ARSB: variants seen among roughly 807,000 people sequenced by gnomAD.
The protein encoded by ARSB is N-acetylgalactosamine-4-sulfatase.
In ARSB, 41 loss-of-function variants were observed where a neutral mutation model predicts 50.9. The ratio of observed to expected loss-of-function variants is 0.81; its 90% CI spans 0.63 to 1.04. The LOEUF is 1.04. Ranked by LOEUF, ARSB falls within the 50% of genes least tolerant of loss-of-function variation. The pLI, the probability that ARSB is intolerant of heterozygous loss-of-function variation, is 0.00. For missense variants in ARSB, 672 were observed against 693.3 expected (o/e 0.97, Z 0.35); for synonymous variants, 269 against 284.8 (o/e 0.94, Z 0.56).
At chr5:78,969,442 T>C (rs932136813) in intron 1 of ARSB, among the ~76,000 whole-genome samples, 1 of 151,780 alleles carries the variant, frequency 6.6e-6, no homozygotes, top group Non-Finnish European at 1.5e-5. Context: ...ATCAAGGCAC[T>C]ATGTTAGAAA....
At chr5:78,968,490 G>A (rs1580142456) in intron 2 of ARSB, among the ~76,000 whole-genome samples, 1 of 151,788 alleles carries the variant, frequency 6.6e-6, no homozygotes, top group Non-Finnish European at 1.5e-5. Flanking sequence ...CTGGGACTAT[G>A]GGCAAGTGCC....
intron 4 of ARSB, among the ~76,000 whole-genome samples, chr5:78,901,640 C>T (rs1431778998): frequency 6.6e-6 from 1 of 151,574 alleles, no homozygotes; most frequent in South Asian, 2.1e-4. Flanking sequence ...TCATAACACA[C>T]ATAAAAATTA....
intron 5 of ARSB, among the ~76,000 whole-genome samples, chr5:78,861,300 A>T (rs1746423774): frequency 6.6e-6 from 1 of 152,192 alleles, no homozygotes; most frequent in Non-Finnish European, 1.5e-5. Flanking sequence ...CCTGGCAGAG[A>T]CACAACAAAA....
chr5:78,853,691 T>G (rs1249930631), intron 5 of ARSB, among the ~76,000 whole-genome samples: 1 of 152,256 alleles, frequency 6.6e-6, no homozygotes, highest in Non-Finnish European at 1.5e-5. Context: ...GCAGGCCTCC[T>G]TGAGCTGTGG....
At chr5:78,886,768 TAA>T (rs149134265) in intron 4 of ARSB, among the ~76,000 whole-genome samples, 1 of 148,980 alleles carries the variant, frequency 6.7e-6, no homozygotes, top group African/African-American at 2.5e-5. Flanking sequence ...CATTAAACTT[TAA>T]AAAAAAAACC....
At chr5:78,843,079 AT>A (rs1745297422) in intron 5 of ARSB, among the ~76,000 whole-genome samples, 1 of 152,188 alleles carries the variant, frequency 6.6e-6, no homozygotes, top group South Asian at 2.1e-4. Context: ...GAACCCAAGC[AT>A]TGGTACTTTT....
At chr5:78,868,803 C>G (rs1258101218) in intron 5 of ARSB, among the ~76,000 whole-genome samples, 69 of 143,206 alleles carry the variant, frequency 4.8e-4, no homozygotes, top group African/African-American at 1.9e-3. Context: ...ATCAAATTCA[C>G]ACATAACAAT....
At chr5:78,782,177 A>G (rs1748945380) in intron 6 of ARSB, among the ~76,000 whole-genome samples, 2 of 152,216 alleles carry the variant, frequency 1.3e-5, no homozygotes, top group Admixed American at 1.3e-4. Context: ...CACCGCAAAT[A>G]TAAAGGAAAT....
At chr5:78,979,255 G>C (rs1384848713) in intron 1 of ARSB, among the ~76,000 whole-genome samples, 1 of 152,164 alleles carries the variant, frequency 6.6e-6, no homozygotes, top group African/African-American at 2.4e-5. Context: ...TTAGTCATTA[G>C]GGAAATGAAA....
At chr5:78,927,136 T>C (rs1750090627) in intron 4 of ARSB, among the ~76,000 whole-genome samples, 1 of 152,184 alleles carries the variant, frequency 6.6e-6, no homozygotes, top group African/African-American at 2.4e-5. Flanking sequence ...AGTTCTGGGA[T>C]TGCAGGCGTG....
intron 4 of ARSB, among the ~76,000 whole-genome samples, chr5:78,945,500 T>G (rs2112452915): frequency 6.6e-6 from 1 of 152,282 alleles, no homozygotes; most frequent in East Asian, 1.9e-4. Flanking sequence ...GCTCCTTATC[T>G]TCTCTCCTCT....
chr5:78,977,162 TCC>T lies in ARSB; in HGVS notation c.312+7773_312+7774del, dbSNP rs1044853505. Among the ~76,000 whole-genome samples the T allele has an allele frequency of 6.4e-5, 9 of 141,394 alleles. No individual in the cohort carries two copies. The East Asian group carries it at 1.4e-3, about 22-fold the overall frequency. 92.8% of individuals were successfully genotyped at this position (141,394 alleles called of 152,430 possible). ...GTTTGTATTTCTTTCTTTCCCCACTTCCCCCCCGCGAGATGGAGTCTTGCTCT... is the reference window on the plus strand; with the variant it reads ...GTTTGTATTTCTTTCTTTCCCCACTTCCCCCGCGAGATGGAGTCTTGCTCT... On this transcript the variant is annotated intron_variant, in intron 1 of 7. Coordinates refer to ENST00000264914, the MANE Select transcript of ARSB (RefSeq NM_000046.5).
chr5:78,864,246 A>G (rs1204525905), intron 5 of ARSB, among the ~76,000 whole-genome samples: 1 of 152,186 alleles, frequency 6.6e-6, no homozygotes, highest in Non-Finnish European at 1.5e-5. Flanking sequence ...TACAAAAGAA[A>G]GAGGATTAAT....
intron 3 of ARSB, among the ~76,000 whole-genome samples, chr5:78,958,257 G>C (rs981493267): frequency 1.1e-4 from 16 of 152,130 alleles, no homozygotes; most frequent in South Asian, 2.1e-4. Context: ...ACAGTGGGGA[G>C]AGAGGGGGCC....
intron 5 of ARSB, among the ~76,000 whole-genome samples, chr5:78,873,564 C>T (rs371443932): frequency 1.1e-4 from 14 of 124,628 alleles, no homozygotes; most frequent in African/African-American, 3.0e-4. Flanking sequence ...GGCGGGATCT[C>T]GGCTCACTGC....
At chr5:78,857,055 G>A (rs1746186176) in intron 5 of ARSB, among the ~76,000 whole-genome samples, 1 of 152,160 alleles carries the variant, frequency 6.6e-6, no homozygotes, top group Non-Finnish European at 1.5e-5. Flanking sequence ...CCCTTTTATT[G>A]TAAAATATAG....
At chr5:78,892,189 C>G (rs536254973) in intron 4 of ARSB, among the ~76,000 whole-genome samples, 1 of 151,098 alleles carries the variant, frequency 6.6e-6, no homozygotes, top group East Asian at 1.9e-4. Context: ...CAAAACATCA[C>G]GTTTTCATAA....
At chr5:78,787,427 C>A (rs542336590) in intron 6 of ARSB, among the ~76,000 whole-genome samples, 18 of 152,278 alleles carry the variant, frequency 1.2e-4, no homozygotes, top group African/African-American at 3.4e-4. Context: ...GGACCCAAGA[C>A]AGGAGGCAGA....
intron 6 of ARSB, among the ~76,000 whole-genome samples, chr5:78,792,384 A>G (rs1268363855): frequency 2.0e-5 from 3 of 151,948 alleles, no homozygotes; most frequent in Non-Finnish European, 4.4e-5. Flanking sequence ...GTCGCAAAAA[A>G]AAAAAAAAAA....
Sources: allele counts gnomAD v4.1 joint callset (sites outside exome capture counted in the v4.1 genomes callset), GRCh38; gene constraint gnomAD v4.1.1; transcripts MANE v1.5; gene names NCBI Gene and HGNC (gene_info 2026-07-23, HGNC 2026-07-21).